Variants in MYOM1 observed in about 807,000 individuals in gnomAD.
The protein encoded by MYOM1 is myomesin-1.
Under a neutral mutation model 205.3 loss-of-function variants are expected in MYOM1, and 164 were observed. The observed-to-expected ratio is 0.80, with a 90% CI of 0.70 to 0.91. MYOM1 has a LOEUF of 0.91. Ranked by LOEUF, MYOM1 falls within the 40% of genes least tolerant of loss-of-function variation. The pLI is 0.00. For synonymous variants in MYOM1, 772 were observed against 789.4 expected (o/e 0.98, Z 0.37); for missense variants, 2,011 against 2,127.3 (o/e 0.95, Z 1.08).
At chr18:3,199,950 G>C (rs1170826558) in intron 2 of MYOM1, among the ~76,000 whole-genome samples, 2 of 138,072 alleles carry the variant, frequency 1.4e-5, no homozygotes, top group Admixed American at 7.1e-5. Context: ...CACAATGTCT[G>C]ACCACCATTA....
chr18:3,079,032 T>G, intron 34 of MYOM1, 147 bp downstream of exon 34: 1 of 631,654 alleles, frequency 1.6e-6, no homozygotes, highest in Admixed American at 2.8e-5. Context: ...AGGCTGGTCT[T>G]GAACTCCTGA....
Position 3,141,986 on chromosome 18 carries a change from G to A in MYOM1, c.1978C>T (p.Pro660Ser), listed in dbSNP as rs201104206. ...CCCTCATGACCACGCTGGCCAGGGGGCTTCCAGCTGAGCACCACATAGCTC... is the reference window on the plus strand; with the variant it reads ...CCCTCATGACCACGCTGGCCAGGGGACTTCCAGCTGAGCACCACATAGCTC... ...TRSYVVLSWK[P>S]PGQRGHEGIM... Residue 660 changes from proline (P) to serine (S), a missense_variant, in exon 14 of 38, where the codon CCC (proline) becomes TCC (serine). Physicochemically the swap from Pro to Ser is moderately conservative, Grantham distance 74 (BLOSUM62 -1). Transcript: ENST00000356443. 74 of 1,613,530 alleles carry A rather than the reference G, an allele frequency of 4.6e-5. No homozygotes were observed. The highest frequency in any genetic ancestry group is 5.2e-5 in the Non-Finnish European group (61 of 1,179,802).
At position 3,079,243 on chromosome 18, in the gene MYOM1, C is replaced by T. The variant is rs1433500326; in HGVS notation, c.4584G>A (p.Lys1528=). The part of the protein sequence containing the change: ...INEPTPNDKG[K]YVMELFDGKT... ...TGCCATCAAAGAGCTCCATGACATA[C>T]TTCCCTTTGTCATTCGGGGTGGGCT... Residue 1528 remains lysine (K), a synonymous_variant, in exon 34 of 38, where the codon AAG becomes AAA. Transcript: ENST00000356443. 5 of 1,613,848 alleles carry T rather than the reference C, an allele frequency of 3.1e-6. No individual in the cohort carries two copies. The highest frequency in any genetic ancestry group is 2.7e-5 in the African/African-American group (2 of 74,940).
intron 22 of MYOM1, among the ~76,000 whole-genome samples, chr18:3,108,379 A>G (rs1163281524): frequency 6.6e-6 from 1 of 152,160 alleles, no homozygotes; most frequent in Non-Finnish European, 1.5e-5. Flanking sequence ...CCTCCTTGAT[A>G]AATTTGATGA....
At chr18:3,178,388 C>A (rs540337169) in intron 5 of MYOM1, among the ~76,000 whole-genome samples, 2 of 152,188 alleles carry the variant, frequency 1.3e-5, no homozygotes, top group Non-Finnish European at 2.9e-5. Flanking sequence ...GGATTTGAAC[C>A]GGCAGCCTGG....
At chr18:3,197,176 A>G (rs151133004) in intron 2 of MYOM1, among the ~76,000 whole-genome samples, 4,374 of 142,730 alleles carry the variant, frequency 0.031, 180 homozygotes, top group African/African-American at 0.1. Context: ...TCACTCTGTC[A>G]CCCAGGCTGG....
rs770659362 is a variant in MYOM1 at position 3,215,209 on chromosome 18, A to G, written c.15T>C (p.Phe5=). The G allele has an allele frequency of 1.2e-6, 2 of 1,611,304 alleles. No individual in the cohort carries two copies. The highest frequency in any genetic ancestry group is 1.7e-5 in the Admixed American group (1 of 59,622). The change falls in exon 2 of 38, where the codon TTT becomes TTC. Residue 5 remains phenylalanine (F), a synonymous_variant. Transcript: ENST00000356443. The part of the protein sequence containing the change: MSLP[F]YQRCHQHYDL... The stretch of plus-strand genomic sequence containing the variant: ...CATAGTGCTGGTGGCACCTCTGATA[A>G]AAAGGCAAAGACATCCTGTGCCCCT...
chr18:3,159,924 T>G (rs1227945998), intron 10 of MYOM1, among the ~76,000 whole-genome samples: 2 of 141,470 alleles, frequency 1.4e-5, no homozygotes, highest in Non-Finnish European at 3.1e-5. Flanking sequence ...CTTCCTTCCT[T>G]CCTTCCTTCC....
At chr18:3,214,476 A>C (rs2081230951) in intron 2 of MYOM1, among the ~76,000 whole-genome samples, 1 of 152,344 alleles carries the variant, frequency 6.6e-6, no homozygotes, top group Middle Eastern at 3.4e-3. Flanking sequence ...CGGGTCTCCC[A>C]AACAAGGTCT....
Position 3,189,650 on chromosome 18 carries a change from G to A in MYOM1, c.432-563C>T, listed in dbSNP as rs137861237. The stretch of plus-strand genomic sequence containing the variant: ...GCTGGGATTACAGGCATGATCCACC[G>A]TGCCTGGCCAAGATAAATTATTATT... On this transcript the variant is annotated intron_variant, in intron 3 of 37. Transcript: ENST00000356443. This position sits in a 1 kb window ranked among gnomAD's most constrained non-coding sequence, Gnocchi z 4.8. Among the ~76,000 whole-genome samples the A allele has an allele frequency of 7.3e-3, 1,118 of 152,292 alleles. 17 individuals are homozygous for A. Among genetic ancestry groups the A allele is most frequent in the African/African-American group, 0.025 (1,031 of 41,560 alleles).
chr18:3,239,879 C>G, the MYOM1 span, among the ~76,000 whole-genome samples: 1 of 151,360 alleles, frequency 6.6e-6, no homozygotes, highest in Admixed American at 6.6e-5. Flanking sequence ...AGTGCAACCA[C>G]TTAGCTTGTT....
chr18:3,110,346 C>T (rs912815427), intron 22 of MYOM1, among the ~76,000 whole-genome samples: 15 of 152,084 alleles, frequency 9.9e-5, no homozygotes, highest in East Asian at 3.9e-4. Flanking sequence ...GGGTTTCAGA[C>T]GAGGACTGGC....
intron 13 of MYOM1, 134 bp from the exon 14 acceptor site, chr18:3,142,197 A>C: frequency 9.3e-7 from 1 of 1,071,798 alleles, no homozygotes. Flanking sequence ...CCTTCTCTCT[A>C]AAATTCCCCC....
chr18:3,079,466 A>G, intron 33 of MYOM1, 124 bp from the exon 34 acceptor site: 1 of 1,081,512 alleles, frequency 9.2e-7, no homozygotes, highest in Non-Finnish European at 1.3e-6. Flanking sequence ...GGATCTGCAT[A>G]TGTTATTCTT....
rs182865142 is a variant in MYOM1 at position 3,129,537 on chromosome 18, C to T, written c.2507-18G>A. 3.7e-3 allele frequency: 5,837 copies of T among 1,595,984 alleles called. 9 individuals are homozygous for T. Among genetic ancestry groups the T allele is most frequent in the Non-Finnish European group, 4.3e-3 (5,052 of 1,169,910 alleles). On this transcript the variant is annotated intron_variant, in intron 17 of 37. Coordinates refer to ENST00000356443, the MANE Select transcript of MYOM1 (RefSeq NM_003803.4). ...TCCTCCCCCTACAGTTGCCAGACAA[C>T]AACAGAAACGCATTGAGCCCGGACA...
chr18:3,084,393 GA>G (rs111639607), intron 31 of MYOM1, among the ~76,000 whole-genome samples: 7,138 of 152,176 alleles, frequency 0.047, 538 homozygotes, highest in African/African-American at 0.16. Flanking sequence ...CCGTGTCATC[GA>G]TTCATAATGA....
At chr18:3,106,936 A>G (rs952960668) in intron 22 of MYOM1, among the ~76,000 whole-genome samples, 1 of 152,196 alleles carries the variant, frequency 6.6e-6, no homozygotes, top group African/African-American at 2.4e-5. Flanking sequence ...GCTTTTCTTG[A>G]TTAATTATGT....
chr18:3,227,527 G>A, the MYOM1 span, among the ~76,000 whole-genome samples: 1 of 152,074 alleles, frequency 6.6e-6, no homozygotes. Context: ...AAAAGCTCTA[G>A]AGCAATGTGA....
rs528678872 is a variant in MYOM1 at position 3,219,882 on chromosome 18, G to A, written c.-108C>T. ...GATGAGAGAATGAAGACTCCACCTA[G>A]GTTGAATCCAAGACAATGTTAAGAG... is the stretch of plus-strand genomic sequence containing the variant. On this transcript the variant is annotated 5_prime_UTR_variant, in exon 1 of 38. Coordinates refer to ENST00000356443, the MANE Select transcript of MYOM1 (RefSeq NM_003803.4). This position sits in a 1 kb window ranked among gnomAD's most constrained non-coding sequence, Gnocchi z 4.4. 6.6e-6 allele frequency: 1 copy of A among 152,296 alleles called. No homozygotes were observed. The highest frequency in any genetic ancestry group is 6.5e-5 in the Admixed American group (1 of 15,282). The allele number at this position is 152,296 out of a possible 1,614,324, so 9.4% of individuals were successfully genotyped here.
Sources: allele counts gnomAD v4.1 joint callset (sites outside exome capture counted in the v4.1 genomes callset), GRCh38; gene constraint gnomAD v4.1.1; non-coding constraint Gnocchi (gnomAD v3.1); transcripts MANE v1.5; gene names NCBI Gene and HGNC (gene_info 2026-07-23, HGNC 2026-07-21).